BRAF: variants seen among roughly 807,000 people sequenced by gnomAD.
BRAF encodes serine/threonine-protein kinase B-raf.
BRAF carries 16 observed loss-of-function variants against 104.6 expected under a neutral mutation model. The observed-to-expected ratio is 0.15, with a 90% confidence interval of 0.10 to 0.23. BRAF has a LOEUF of 0.23. BRAF is among the 10% of genes least tolerant of loss of function. BRAF has a pLI of 1.00. For synonymous variants in BRAF, 310 were observed against 341.6 expected, an observed-to-expected ratio of 0.91 and a Z score of 1.02; for missense variants, 541 against 937.3, an observed-to-expected ratio of 0.58 and a Z score of 5.52.
intron 3 of BRAF, among the ~76,000 whole-genome samples, chr7:140,829,175 G>T (rs1806414377): frequency 7.0e-6 from 1 of 142,362 alleles, no homozygotes; most frequent in Non-Finnish European, 1.5e-5. Context: ...ACAGACTATT[G>T]ACTCTGTTAA....
intron 5 of BRAF, among the ~76,000 whole-genome samples, chr7:140,803,924 G>A (rs919985192): frequency 1.6e-4 from 24 of 152,190 alleles, no homozygotes; most frequent in South Asian, 8.3e-4. Flanking sequence ...TCGCTCTGTC[G>A]CCCAGGTTGG....
chr7:140,873,418 C>A (rs931443760), intron 1 of BRAF, among the ~76,000 whole-genome samples: 15 of 152,146 alleles, frequency 9.9e-5, no homozygotes, highest in African/African-American at 3.6e-4. Flanking sequence ...GATCCATCTG[C>A]CTCGGCCTCC....
At chr7:140,902,479 A>G (rs1004760740) in intron 1 of BRAF, among the ~76,000 whole-genome samples, 2 of 152,212 alleles carry the variant, frequency 1.3e-5, no homozygotes, top group Non-Finnish European at 1.5e-5. Context: ...CAAGAGTCAC[A>G]TGTCTCTCTC....
intron 19 of BRAF, chr7:140,726,663 G>A (rs1356392604): frequency 7.0e-6 from 5 of 711,756 alleles, no homozygotes; most frequent in Admixed American, 2.6e-5. Context: ...AAGCAAAAAC[G>A]GCTGAAACCC....
intron 3 of BRAF, among the ~76,000 whole-genome samples, chr7:140,826,474 T>G (rs1475916756): frequency 6.6e-6 from 1 of 152,228 alleles, no homozygotes; most frequent in Non-Finnish European, 1.5e-5. Flanking sequence ...TCTCTGCATG[T>G]TGATTTCCAT....
intron 1 of BRAF, among the ~76,000 whole-genome samples, chr7:140,862,604 T>A (rs1810538745): frequency 6.6e-6 from 1 of 152,126 alleles, no homozygotes; most frequent in Non-Finnish European, 1.5e-5. Context: ...CGGAAAACTC[T>A]AAAAGCTTCC....
chr7:140,747,595 T>A, intron 17 of BRAF: 1 of 303,916 alleles, frequency 3.3e-6, no homozygotes, highest in East Asian at 9.4e-5. Flanking sequence ...GATCTTAGGT[T>A]CATAAATTTT....
intron 14 of BRAF, chr7:140,773,141 G>C (rs1295932607): frequency 6.6e-6 from 1 of 152,100 alleles, no homozygotes; most frequent in African/African-American, 2.4e-5. Flanking sequence ...ATCTTGCATT[G>C]TATGTGTTTC....
chr7:140,730,365 C>T (rs1334286248), intron 19 of BRAF, among the ~76,000 whole-genome samples: 1 of 151,918 alleles, frequency 6.6e-6, no homozygotes, highest in Non-Finnish European at 1.5e-5. Context: ...ATAATTTAAG[C>T]TGCATCTTCT....
In BRAF at chr7:140,724,197, C is replaced by T; in HGVS notation, c.*2297G>A. 2 of 1,056,610 alleles carry T rather than the reference C, an allele frequency of 1.9e-6. No homozygotes were observed. Among genetic ancestry groups the T allele is most frequent in the Non-Finnish European group, 2.3e-6 (2 of 873,856 alleles). 65.5% of individuals were successfully genotyped at this position (1,056,610 alleles called of 1,614,324 possible). ...ATGCTAAGCTTCCTCCCTAATGGTA[C>T]CGCCCCTGCCCCTGCCCCACGGAGG... On this transcript the variant is annotated 3_prime_UTR_variant, in exon 20 of 20. Coordinates refer to ENST00000644969, the MANE Select transcript of BRAF (RefSeq NM_001374258.1).
chr7:140,815,693 C>T (rs2129052081), intron 3 of BRAF, among the ~76,000 whole-genome samples: 1 of 152,166 alleles, frequency 6.6e-6, no homozygotes, highest in Middle Eastern at 3.4e-3. Flanking sequence ...GCCTCAGCCT[C>T]CCAAAGTGCT....
chr7:140,736,311 C>T, intron 18 of BRAF, among the ~76,000 whole-genome samples: 1 of 151,884 alleles, frequency 6.6e-6, no homozygotes, highest in Non-Finnish European at 1.5e-5. Context: ...TCAACTGATC[C>T]ACCCACCTTG....
At chr7:140,781,763 T>C in intron 11 of BRAF, 70 bp from the exon 11 acceptor site, 1 of 1,214,480 alleles carries the variant, frequency 8.2e-7, no homozygotes, top group Non-Finnish European at 1.2e-6. Flanking sequence ...TCACCCTAAG[T>C]ACATTACCTT....
Position 140,734,784 on chromosome 7 carries a change from A to C in BRAF, c.2248-14T>G. 7.5e-7 allele frequency: 1 copy of C among 1,337,378 alleles called. No individual in the cohort carries two copies. The highest frequency in any genetic ancestry group is 9.7e-7 in the Non-Finnish European group (1 of 1,026,020). The allele number at this position is 1,337,378 out of a possible 1,614,324, so 82.8% of individuals were successfully genotyped here. A position where few individuals can be genotyped will look rare whatever the true frequency, so the allele number is the denominator to read the frequency against. On this transcript the variant is annotated splice_polypyrimidine_tract_variant and intron_variant, in intron 18 of 19. Coordinates refer to ENST00000644969, the MANE Select transcript of BRAF (RefSeq NM_001374258.1). ...AGAGGCGAGAATCTACAAAAAAAAAAAGAAAAAAAAAAGAAAAAAAAAGAA... is the reference window on the plus strand; with the variant it reads ...AGAGGCGAGAATCTACAAAAAAAAACAGAAAAAAAAAAGAAAAAAAAAGAA...
At chr7:140,811,818 C>T (rs1804298566) in intron 3 of BRAF, among the ~76,000 whole-genome samples, 2 of 152,182 alleles carry the variant, frequency 1.3e-5, no homozygotes, top group African/African-American at 2.4e-5. Context: ...AATCCTTGTA[C>T]TTCCCCTAGG....
At chr7:140,886,215 G>A (rs1813546251) in intron 1 of BRAF, among the ~76,000 whole-genome samples, 1 of 152,138 alleles carries the variant, frequency 6.6e-6, no homozygotes, top group African/African-American at 2.4e-5. Flanking sequence ...CTTGTTTACT[G>A]TCATGACTCT....
At chr7:140,842,635 T>C (rs574612560) in intron 2 of BRAF, among the ~76,000 whole-genome samples, 11 of 152,330 alleles carry the variant, frequency 7.2e-5, no homozygotes, top group Admixed American at 2.0e-4. Context: ...TAAATGAATA[T>C]GGAAACACTG....
rs559005940 is a variant in BRAF at position 140,850,043 on chromosome 7, T to G, written c.240+68A>C. 4 of 1,155,372 alleles carry G rather than the reference T, an allele frequency of 3.5e-6. No individual in the cohort carries two copies. In the Admixed American group the frequency reaches 5.1e-5, roughly 15 times the overall value. 71.6% of individuals were successfully genotyped at this position (1,155,372 alleles called of 1,614,324 possible). A position where few individuals can be genotyped will look rare whatever the true frequency, so the allele number is the denominator to read the frequency against. Reference sequence around the variant, plus strand: ...CTCCTAAAATAATCAAGATTATCAGTACAAATGTTTTTATAAGTTCATTTT... The same window carrying G: ...CTCCTAAAATAATCAAGATTATCAGGACAAATGTTTTTATAAGTTCATTTT... On this transcript the variant is annotated intron_variant, in intron 2 of 19. Coordinates refer to ENST00000644969, the MANE Select transcript of BRAF (RefSeq NM_001374258.1).
At chr7:140,866,637 T>G (rs1212857773) in intron 1 of BRAF, among the ~76,000 whole-genome samples, 2 of 152,196 alleles carry the variant, frequency 1.3e-5, no homozygotes, top group African/African-American at 4.8e-5. Context: ...AAATAATAGT[T>G]AAGATCAGAG....
Sources: gnomAD v4.1 joint callset for allele counts (sites outside exome capture counted in the v4.1 genomes callset) on GRCh38, gnomAD v4.1.1 for gene constraint, MANE v1.5 for transcripts, NCBI Gene and HGNC (gene_info 2026-07-23, HGNC 2026-07-21) for gene names.